HAT1: variants seen among roughly 807,000 people sequenced by gnomAD.
HAT1 encodes the protein histone acetyltransferase type B catalytic subunit.
Under a neutral mutation model 56.6 loss-of-function variants are expected in HAT1, and 20 were observed. The observed-to-expected ratio is 0.35, with a 90% CI of 0.25 to 0.51. The LOEUF (loss-of-function observed/expected upper bound fraction) is 0.51. Ranked by LOEUF, HAT1 falls within the 20% of genes least tolerant of loss-of-function variation. HAT1 has a pLI of 0.95. For synonymous variants in HAT1, 146 were observed against 165.5 expected (o/e 0.88, Z 0.91); for missense variants, 408 against 504.3 (o/e 0.81, Z 1.83).
intron 4 of HAT1, among the ~76,000 whole-genome samples, chr2:171,962,875 G>A (rs1687606374): frequency 6.6e-6 from 1 of 152,104 alleles, no homozygotes; most frequent in Admixed American, 6.6e-5. Context: ...ACAAACATTG[G>A]AATTAAAAAG....
chr2:171,953,101 T>A, intron 4 of HAT1, 100 bp downstream of exon 4: 1 of 634,264 alleles, frequency 1.6e-6, no homozygotes, highest in Admixed American at 3.4e-5. Flanking sequence ...CCCCAGCAGT[T>A]TGGGGGACCA....
chr2:171,940,593 T>G (rs2105313493), intron 2 of HAT1, among the ~76,000 whole-genome samples: 2 of 152,334 alleles, frequency 1.3e-5, no homozygotes. Context: ...ACGCATTTGA[T>G]GAAGTGGTGG....
At position 171,966,949 on chromosome 2, in the gene HAT1, G is replaced by A; in HGVS notation, c.823G>A (p.Ala275Thr). ...ATTTCCTACAGTTCTTGATATTACA[G>A]GTATGTAAAATTTGATTTGTTACTG... ...TEFPTVLDIT[A>T]EDPSKSYVKL... is the part of the protein sequence containing the mutation. Residue 275 changes from alanine to threonine, a missense_variant and splice_region_variant, in exon 8 of 11, where the codon GCG (alanine) becomes ACG (threonine). By Grantham distance (58) the Ala-to-Thr change is moderately conservative. Coordinates refer to ENST00000264108, the MANE Select transcript of HAT1 (RefSeq NM_003642.4). 1 of 1,289,322 alleles carries A rather than the reference G, an allele frequency of 7.8e-7. No individual in the cohort carries two copies. Among genetic ancestry groups the A allele is most frequent in the Non-Finnish European group, 1.1e-6 (1 of 898,632 alleles). 79.9% of individuals were successfully genotyped at this position (1,289,322 alleles called of 1,614,324 possible).
intron 2 of HAT1, among the ~76,000 whole-genome samples, chr2:171,930,460 C>T (rs565670260): frequency 2.0e-5 from 3 of 152,244 alleles, no homozygotes; most frequent in East Asian, 1.9e-4. Context: ...AGCCACTGTG[C>T]CTGACCTAAA....
chr2:171,974,626 A>T (rs937235092), intron 8 of HAT1, among the ~76,000 whole-genome samples: 3 of 152,202 alleles, frequency 2.0e-5, no homozygotes, highest in African/African-American at 7.2e-5. Flanking sequence ...CAATGGTGAA[A>T]GCAGACATCT....
chr2:171,934,494 G>A (rs942732861), intron 2 of HAT1, among the ~76,000 whole-genome samples: 1 of 152,152 alleles, frequency 6.6e-6, no homozygotes, highest in Admixed American at 6.6e-5. Context: ...TTTCTTTTCT[G>A]AATGCTTCTG....
intron 8 of HAT1, among the ~76,000 whole-genome samples, chr2:171,973,127 C>A (rs144968338): frequency 1.3e-5 from 2 of 152,248 alleles, no homozygotes; most frequent in East Asian, 3.9e-4. Flanking sequence ...CCATTCTCCA[C>A]TCTCTTCTTG....
At chr2:171,953,684 TAC>T (rs1165379358) in intron 4 of HAT1, among the ~76,000 whole-genome samples, 3 of 143,576 alleles carry the variant, frequency 2.1e-5, no homozygotes, top group African/African-American at 7.9e-5. Context: ...GAGAATCTGT[TAC>T]ATGGTAGTTT....
intron 2 of HAT1, among the ~76,000 whole-genome samples, chr2:171,927,641 G>T (rs1454648162): frequency 1.3e-5 from 2 of 152,134 alleles, no homozygotes; most frequent in Non-Finnish European, 2.9e-5. Flanking sequence ...CAGGTAGAGT[G>T]CAGTGGTGCG....
In HAT1 at chr2:171,931,680, GA is replaced by G. The variant is rs1008727854; in HGVS notation, c.112+6044del. Among the ~76,000 whole-genome samples the G allele has an allele frequency of 6.6e-5, 10 of 152,180 alleles. No individual in the cohort carries two copies. The East Asian group carries it at 1.4e-3, about 21-fold the overall frequency. Reference sequence around the variant, plus strand: ...CAAAGCAAGACTGTGTCTCGGGGGGGAAAAACAGCCATATAGTACAGTCAGC... The same window carrying G: ...CAAAGCAAGACTGTGTCTCGGGGGGGAAAACAGCCATATAGTACAGTCAGC... On this transcript the variant is annotated intron_variant, in intron 2 of 10. Coordinates refer to ENST00000264108, the MANE Select transcript of HAT1 (RefSeq NM_003642.4).
At chr2:171,932,913 G>C (rs1686781307) in intron 2 of HAT1, among the ~76,000 whole-genome samples, 1 of 151,944 alleles carries the variant, frequency 6.6e-6, no homozygotes, top group African/African-American at 2.4e-5. Flanking sequence ...CCCTTCTTGG[G>C]GGTATTGGTA....
chr2:171,927,668 A>T (rs1686631661), intron 2 of HAT1, among the ~76,000 whole-genome samples: 1 of 152,056 alleles, frequency 6.6e-6, no homozygotes, highest in Non-Finnish European at 1.5e-5. Context: ...GTTCACTGCA[A>T]CCTCTGCCTC....
intron 6 of HAT1, 24 bp from the exon 7 acceptor site, chr2:171,966,385 C>T: frequency 8.2e-7 from 1 of 1,216,826 alleles, no homozygotes; most frequent in Non-Finnish European, 1.2e-6. Flanking sequence ...AATTGACCTG[C>T]TTGGCTTTCT....
intron 3 of HAT1, among the ~76,000 whole-genome samples, chr2:171,947,297 C>T (rs1047432837): frequency 6.6e-6 from 1 of 152,190 alleles, no homozygotes; most frequent in South Asian, 2.1e-4. Flanking sequence ...CTGTGTCACC[C>T]AGGCTGGAGT....
chr2:171,934,356 T>C (rs1057422981), intron 2 of HAT1, among the ~76,000 whole-genome samples: 4 of 152,152 alleles, frequency 2.6e-5, no homozygotes, highest in African/African-American at 9.7e-5. Context: ...GGGGTAAGTA[T>C]TTTATTAATC....
chr2:171,949,818 A>G (rs1687259722), intron 3 of HAT1, among the ~76,000 whole-genome samples: 1 of 152,112 alleles, frequency 6.6e-6, no homozygotes, highest in South Asian at 2.1e-4. Context: ...GTCTTTTACA[A>G]TTCAGTGGGC....
chr2:171,929,517 G>C (rs1686684813), intron 2 of HAT1, among the ~76,000 whole-genome samples: 1 of 151,932 alleles, frequency 6.6e-6, no homozygotes, highest in African/African-American at 2.4e-5. Context: ...AGTGTTTTCT[G>C]GTTCATGCCT....
At chr2:171,938,075 T>TCTCTCTCTCTCTCTCTCTCTC (rs1558965281) in intron 2 of HAT1, among the ~76,000 whole-genome samples, 4 of 138,820 alleles carry the variant, frequency 2.9e-5, no homozygotes, top group Non-Finnish European at 4.8e-5. Flanking sequence ...TCTCTCTCTC[T>TCTCTCTCTCTCTCTCTCTCTC]TTAAATGAAC....
At chr2:171,930,890 C>T (rs931480065) in intron 2 of HAT1, among the ~76,000 whole-genome samples, 4 of 151,934 alleles carry the variant, frequency 2.6e-5, no homozygotes, top group African/African-American at 9.7e-5. Flanking sequence ...GCTAGGGTTG[C>T]AGACATAAGC....
Sources: gnomAD v4.1 joint callset for allele counts (sites outside exome capture counted in the v4.1 genomes callset) on GRCh38, gnomAD v4.1.1 for gene constraint, MANE v1.5 for transcripts, NCBI Gene and HGNC (gene_info 2026-07-23, HGNC 2026-07-21) for gene names.